SLC4A10: variants seen among roughly 807,000 people sequenced by gnomAD.
SLC4A10 encodes the protein sodium-driven chloride bicarbonate exchanger.
A neutral mutation model predicts 137.7 loss-of-function variants in SLC4A10; 42 were observed. The ratio of observed to expected loss-of-function variants is 0.30; its 90% CI spans 0.24 to 0.39. The LOEUF (loss-of-function observed/expected upper bound fraction) is 0.39, where lower values mean the gene tolerates loss of function less well. Among genes scored for constraint, SLC4A10 ranks in the 10% least tolerant of loss-of-function variants. The pLI is 1.00. For synonymous variants in SLC4A10, 474 were observed against 464.1 expected, an observed-to-expected ratio of 1.02 and a Z score of -0.27; for missense variants, 925 against 1,355.0, an observed-to-expected ratio of 0.68 and a Z score of 4.98.
chr2:161,721,356 G>A (rs1444625958), intron 1 of SLC4A10, among the ~76,000 whole-genome samples: 1 of 152,154 alleles, frequency 6.6e-6, no homozygotes, highest in Non-Finnish European at 1.5e-5. Context: ...TTTCTCAGGA[G>A]CTCTTACAAG....
intron 3 of SLC4A10, among the ~76,000 whole-genome samples, chr2:161,835,992 A>G (rs1012650942): frequency 6.6e-6 from 1 of 152,198 alleles, no homozygotes; most frequent in Non-Finnish European, 1.5e-5. Context: ...AAGTAAAGAC[A>G]TGTATGAGAC....
rs1340952645 is a variant in SLC4A10 at position 161,719,819 on chromosome 2, G to A, written c.49-51154G>A. Among the ~76,000 whole-genome samples, 29 of 151,986 alleles carry A rather than the reference G, an allele frequency of 1.9e-4. 1 individual carries two copies. The highest frequency in any genetic ancestry group is 2.7e-4 in the Non-Finnish European group (18 of 67,884). On this transcript the variant is annotated intron_variant, in intron 1 of 26. Transcript: ENST00000446997. ...GCCCTTTGTCAGATGAGTAGGTTGC[G>A]AAAATTTTCTCCCATTTTGTAGGTT... is the stretch of plus-strand genomic sequence containing the variant.
intron 1 of SLC4A10, among the ~76,000 whole-genome samples, chr2:161,692,517 A>C (rs1305087847): frequency 6.6e-5 from 10 of 152,098 alleles, no homozygotes; most frequent in Non-Finnish European, 8.8e-5. Context: ...AACACGTAAT[A>C]TGAAATATTG....
rs114797434 is a variant in SLC4A10, at chr2:161,766,101, C to T, written c.49-4872C>T. Among the ~76,000 whole-genome samples, 660 of 152,118 alleles carry T rather than the reference C, an allele frequency of 4.3e-3. 5 individuals are homozygous for T. The highest frequency in any genetic ancestry group is 0.015 in the African/African-American group (629 of 41,524). On this transcript the variant is annotated intron_variant, in intron 1 of 26. Transcript: ENST00000446997. ...AAGCATCCAGTGAGTATTTAAAAGGCGTACTGTATATGAAGCTTCAAAATG... is the reference window on the plus strand; with the variant it reads ...AAGCATCCAGTGAGTATTTAAAAGGTGTACTGTATATGAAGCTTCAAAATG...
chr2:161,647,847 G>A lies in SLC4A10; in HGVS notation c.48+23281G>A, dbSNP rs570688377. 2.1e-3 allele frequency among the ~76,000 whole-genome samples: 318 copies of A among 152,242 alleles called. 1 individual carries two copies. The highest frequency in any genetic ancestry group is 7.2e-3 in the African/African-American group (300 of 41,558). ...AGATGTCACAAAGATCAGGCAAATT[G>A]GATTAGAGGAGAAGGTCCAGTCTCA... On this transcript the variant is annotated intron_variant, in intron 1 of 26. Coordinates refer to ENST00000446997, the MANE Select transcript of SLC4A10 (RefSeq NM_001178015.2).
chr2:161,814,525 T>C (rs1174427898), intron 3 of SLC4A10, among the ~76,000 whole-genome samples: 1 of 152,080 alleles, frequency 6.6e-6, no homozygotes, highest in Non-Finnish European at 1.5e-5. Flanking sequence ...GGAATCAACC[T>C]AGGTGCTCAT....
intron 2 of SLC4A10, among the ~76,000 whole-genome samples, chr2:161,771,950 A>C (rs1480625375): frequency 6.6e-6 from 1 of 151,852 alleles, no homozygotes; most frequent in Non-Finnish European, 1.5e-5. Context: ...TTTTCATTTT[A>C]AACTTTGTAA....
At chr2:161,715,833 T>C (rs943732023) in intron 1 of SLC4A10, among the ~76,000 whole-genome samples, 1 of 152,146 alleles carries the variant, frequency 6.6e-6, no homozygotes, top group African/African-American at 2.4e-5. Flanking sequence ...ATAGAATGAT[T>C]TATATTCCTT....
intron 6 of SLC4A10, among the ~76,000 whole-genome samples, chr2:161,866,888 G>A (rs900759803): frequency 6.6e-6 from 1 of 151,644 alleles, no homozygotes; most frequent in Non-Finnish European, 1.5e-5. Context: ...GATAATTTGG[G>A]ATTATTAGTT....
chr2:161,644,759 G>T (rs1387540744), intron 1 of SLC4A10, among the ~76,000 whole-genome samples: 1 of 152,084 alleles, frequency 6.6e-6, no homozygotes, highest in Non-Finnish European at 1.5e-5. Flanking sequence ...AATTGTTCTA[G>T]AGATATCTTG....
At chr2:161,756,561 C>T (rs2049673936) in intron 1 of SLC4A10, among the ~76,000 whole-genome samples, 1 of 152,124 alleles carries the variant, frequency 6.6e-6, no homozygotes, top group South Asian at 2.1e-4. Flanking sequence ...CTCAGAAATC[C>T]AGGGTTACAT....
chr2:161,804,389 A>G, intron 2 of SLC4A10, 60 bp from the exon 3 acceptor site: 2 of 1,549,210 alleles, frequency 1.3e-6, no homozygotes, highest in South Asian at 2.4e-5. Flanking sequence ...CATGTAAATC[A>G]TCATATCTGT....
At chr2:161,859,467 AT>A (rs941800863) in intron 5 of SLC4A10, among the ~76,000 whole-genome samples, 10 of 149,092 alleles carry the variant, frequency 6.7e-5, no homozygotes, top group Non-Finnish European at 1.3e-4. Context: ...ATTTTTTTGT[AT>A]TTTAGTAGAG....
chr2:161,736,445 A>G (rs533221021), intron 1 of SLC4A10, among the ~76,000 whole-genome samples: 93 of 152,318 alleles, frequency 6.1e-4, no homozygotes, highest in African/African-American at 2.2e-3. Context: ...TGGGTAATTT[A>G]TAAAGGAAAG....
chr2:161,967,887 T>C (rs1341474029), intron 23 of SLC4A10, among the ~76,000 whole-genome samples: 4 of 152,068 alleles, frequency 2.6e-5, no homozygotes, highest in African/African-American at 9.7e-5. Flanking sequence ...CTTATTGTAC[T>C]ATTAATTATA....
At chr2:161,642,328 T>C (rs2035426804) in intron 1 of SLC4A10, among the ~76,000 whole-genome samples, 1 of 151,948 alleles carries the variant, frequency 6.6e-6, no homozygotes, top group Non-Finnish European at 1.5e-5. Context: ...CTTGAAAAAA[T>C]ACATTTTTTT....
intron 15 of SLC4A10, among the ~76,000 whole-genome samples, chr2:161,932,527 G>A (rs1247044875): frequency 6.6e-6 from 1 of 152,094 alleles, no homozygotes; most frequent in Non-Finnish European, 1.5e-5. Flanking sequence ...TAGTACCTCG[G>A]TATCTTCATT....
chr2:161,809,996 T>C (rs1295660990), intron 3 of SLC4A10, among the ~76,000 whole-genome samples: 1 of 152,188 alleles, frequency 6.6e-6, no homozygotes, highest in Non-Finnish European at 1.5e-5. Context: ...ATATTGATTC[T>C]TCCTATTCAT....
chr2:161,767,146 T>TGG (rs2050947566), intron 1 of SLC4A10, among the ~76,000 whole-genome samples: 1 of 113,690 alleles, frequency 8.8e-6, no homozygotes, highest in African/African-American at 3.2e-5. Flanking sequence ...TATATGTGTG[T>TGG]GTGTGTGTGT....
Sources: gnomAD v4.1 joint callset for allele counts (sites outside exome capture counted in the v4.1 genomes callset) on GRCh38, gnomAD v4.1.1 for gene constraint, MANE v1.5 for transcripts, NCBI Gene and HGNC (gene_info 2026-07-23, HGNC 2026-07-21) for gene names.